AQR: variants seen among roughly 807,000 people sequenced by gnomAD.
The protein encoded by AQR is aquarius intron-binding spliceosomal factor.
Under a neutral mutation model 180.5 loss-of-function variants are expected in AQR, and 61 were observed. The ratio of observed to expected loss-of-function variants is 0.34; its 90% CI spans 0.28 to 0.42. AQR has a LOEUF of 0.42. AQR is among the 10% of genes least tolerant of loss of function. AQR has a pLI of 1.00. For synonymous variants in AQR, 551 were observed against 588.8 expected (o/e 0.94, Z 0.93); for missense variants, 1,281 against 1,798.3 (o/e 0.71, Z 5.20).
intron 12 of AQR, among the ~76,000 whole-genome samples, chr15:34,928,182 G>A (rs181184879): frequency 1.3e-5 from 2 of 151,860 alleles, no homozygotes; most frequent in Admixed American, 6.6e-5. Context: ...TAGGAAAGAA[G>A]AAAAACAGAG....
chr15:34,886,585 C>A lies in AQR; in HGVS notation c.2758G>T (p.Gly920Trp). 1 of 1,613,962 alleles carries A rather than the reference C, an allele frequency of 6.2e-7. No homozygotes were observed. The highest frequency in any genetic ancestry group is 8.5e-7 in the Non-Finnish European group (1 of 1,179,964). The part of the protein sequence containing the change: ...EEVKRLQKSL[G>W]VPGDASYTCE... ...GTATATGAGGCATCTCCTGGAACCC[C>A]TAGACTCTTTTGCAATCGTTTGACT... Residue 920 changes from glycine (G) to tryptophan (W), a missense_variant, in exon 25 of 35, where the codon GGG (glycine) becomes TGG (tryptophan). This residue lies in a region of AQR where 125 missense variants were observed against 185.0 expected (regional missense o/e 0.68). Coordinates refer to ENST00000156471, the MANE Select transcript of AQR (RefSeq NM_014691.3).
At chr15:34,963,503 C>T (rs1192675647) in intron 2 of AQR, among the ~76,000 whole-genome samples, 1 of 151,936 alleles carries the variant, frequency 6.6e-6, no homozygotes, top group Non-Finnish European at 1.5e-5. Context: ...CAAGATAACC[C>T]AACAGATTTA....
At chr15:34,903,161 T>A (rs1893358263) in intron 19 of AQR, among the ~76,000 whole-genome samples, 1 of 152,272 alleles carries the variant, frequency 6.6e-6, no homozygotes, top group South Asian at 2.1e-4. Context: ...GAACACCATG[T>A]GAAAAGTCTT....
At chr15:34,964,391 C>T (rs1393977809) in intron 1 of AQR, 101 bp from the exon 2 acceptor site, 12 of 957,462 alleles carry the variant, frequency 1.3e-5, no homozygotes, top group Non-Finnish European at 1.7e-5. Context: ...CAAGGCCCTA[C>T]TCGGCACTGG....
In AQR at chr15:34,932,411, C is replaced by A; in HGVS notation, c.807G>T (p.Trp269Cys). The A allele has an allele frequency of 6.2e-7, 1 of 1,604,544 alleles. No homozygotes were observed. Among genetic ancestry groups the A allele is most frequent in the Non-Finnish European group, 8.5e-7 (1 of 1,177,330 alleles). Residue 269 changes from tryptophan (W) to cysteine (C), a missense_variant, in exon 11 of 35, where the codon TGG becomes TGT. This residue lies in a region of AQR where 404 missense variants were observed against 490.9 expected (regional missense o/e 0.82). Coordinates refer to ENST00000156471, the MANE Select transcript of AQR (RefSeq NM_014691.3). ...DLEALLPTRR[W>C]FNTILDDSHL... ...GGGAATCATCCAGGATGGTATTAAA[C>A]CAGCGCCTTGTGGGTAGCAGGGCCT...
chr15:34,920,261 C>T, intron 14 of AQR, 71 bp downstream of exon 14: 1 of 1,110,154 alleles, frequency 9.0e-7, no homozygotes, highest in Non-Finnish European at 1.3e-6. Flanking sequence ...CTATATGAAC[C>T]TACATCTTTA....
At chr15:34,884,468 AACT>A in intron 26 of AQR, 54 bp downstream of exon 26, 2 of 1,378,702 alleles carry the variant, frequency 1.5e-6, no homozygotes, top group Non-Finnish European at 2.0e-6. Flanking sequence ...TTCAAAAAAA[AACT>A]AAACTAAATT....
At chr15:34,884,784 A>C (rs1339954325) in intron 25 of AQR, 50 bp from the exon 26 acceptor site, 2 of 1,377,018 alleles carry the variant, frequency 1.5e-6, no homozygotes, top group Non-Finnish European at 2.0e-6. Context: ...ATGATGTTTT[A>C]AAGCATAAAA....
At chr15:34,888,607 G>C (rs1473235070) in intron 24 of AQR, among the ~76,000 whole-genome samples, 1 of 151,896 alleles carries the variant, frequency 6.6e-6, no homozygotes, top group Non-Finnish European at 1.5e-5. Flanking sequence ...TGAGGCAGGA[G>C]AATTGCTTGA....
intron 14 of AQR, among the ~76,000 whole-genome samples, chr15:34,919,467 ATGT>A (rs1470342969): frequency 6.6e-6 from 1 of 152,170 alleles, no homozygotes; most frequent in African/African-American, 2.4e-5. Context: ...ACAAAACATA[ATGT>A]TGTAGCACTA....
rs1388408327 is a variant in AQR, at chr15:34,854,171, A to AAAG, written c.*2618_*2620dup. Reference sequence around the variant, plus strand: ...CAGAATTTTGAAAAAAAAAAAAAAAAAAGAAGAAGAAATTCTAAATACTTG... The same window carrying AAAG: ...CAGAATTTTGAAAAAAAAAAAAAAAAAAGAAGAAGAAGAAATTCTAAATACTTG... On this transcript the variant is annotated 3_prime_UTR_variant, in exon 35 of 35. Transcript: ENST00000156471. 6.6e-6 allele frequency: 1 copy of AAAG among 151,112 alleles called. No homozygotes were observed. The highest frequency in any genetic ancestry group is 1.5e-5 in the Non-Finnish European group (1 of 67,718). 9.4% of individuals were successfully genotyped at this position (151,112 alleles called of 1,614,324 possible).
chr15:34,934,026 T>G (rs1336708340), intron 10 of AQR, among the ~76,000 whole-genome samples: 1 of 151,882 alleles, frequency 6.6e-6, no homozygotes, highest in East Asian at 1.9e-4. Flanking sequence ...GGGTCTGAGG[T>G]GGATCAGGAG....
intron 23 of AQR, among the ~76,000 whole-genome samples, chr15:34,892,220 C>T (rs548452252): frequency 1.3e-5 from 2 of 152,288 alleles, no homozygotes; most frequent in East Asian, 1.9e-4. Context: ...ACTTGTTCTT[C>T]CCTCATTTCT....
At chr15:34,936,452 A>C (rs1404852673) in intron 9 of AQR, among the ~76,000 whole-genome samples, 1 of 152,196 alleles carries the variant, frequency 6.6e-6, no homozygotes, top group Admixed American at 6.5e-5. Flanking sequence ...GCAGTGGCTC[A>C]CACCTGAAAT....
intron 17 of AQR, among the ~76,000 whole-genome samples, chr15:34,907,531 C>T (rs1010580609): frequency 2.0e-5 from 3 of 152,144 alleles, no homozygotes; most frequent in Non-Finnish European, 4.4e-5. Context: ...TTGTTAACAA[C>T]AAACACAATG....
At chr15:34,899,981 C>T (rs554778507) in intron 20 of AQR, among the ~76,000 whole-genome samples, 6 of 152,254 alleles carry the variant, frequency 3.9e-5, no homozygotes, top group African/African-American at 1.2e-4. Context: ...CAGACTTAAA[C>T]GCCTGGGTTC....
At chr15:34,934,177 A>G (rs978278990) in intron 10 of AQR, among the ~76,000 whole-genome samples, 5 of 151,466 alleles carry the variant, frequency 3.3e-5, no homozygotes, top group African/African-American at 1.2e-4. Context: ...AGAAAAGGGA[A>G]AAGAAAAAGA....
At chr15:34,878,870 A>G (rs1172891231) in intron 27 of AQR, among the ~76,000 whole-genome samples, 1 of 152,054 alleles carries the variant, frequency 6.6e-6, no homozygotes, top group Non-Finnish European at 1.5e-5. Context: ...TCTACTAAAA[A>G]TACAAAAATT....
chr15:34,914,942 A>C (rs1205613695), intron 16 of AQR, 96 bp downstream of exon 16: 4 of 1,309,346 alleles, frequency 3.1e-6, no homozygotes, highest in Non-Finnish European at 4.1e-6. Context: ...CTTTTGTCTC[A>C]GTATATTATT....
Sources: gnomAD v4.1 joint callset for allele counts (sites outside exome capture counted in the v4.1 genomes callset) on GRCh38, gnomAD v4.1.1 for gene constraint, gnomAD v4.1.1 regional missense constraint, MANE v1.5 for transcripts, NCBI Gene and HGNC (gene_info 2026-07-23, HGNC 2026-07-21) for gene names.